The following ELMOD2 variants were observed in gnomAD, a reference collection of about 807,000 sequenced individuals.
ELMOD2 encodes the protein ELMO domain-containing protein 2.
In ELMOD2, 28 loss-of-function variants were observed where a neutral mutation model predicts 41.0. That is an observed-to-expected ratio of 0.68 (90% CI 0.51 to 0.94). The LOEUF is 0.94. ELMOD2 is among the 40% of genes least tolerant of loss of function. The probability of loss-of-function intolerance (pLI) is 0.00; values close to 1 mark genes in which losing one functional copy is unlikely to be tolerated. For synonymous variants in ELMOD2, 106 were observed against 107.2 expected (o/e 0.99, Z 0.07); for missense variants, 333 against 343.1 (o/e 0.97, Z 0.23).
intron 5 of ELMOD2, among the ~76,000 whole-genome samples, chr4:140,539,601 C>T (rs1009028856): frequency 1.3e-5 from 2 of 152,164 alleles, no homozygotes; most frequent in African/African-American, 4.8e-5. Context: ...CTGCCTCGGC[C>T]TCCCAAAGGG....
At chr4:140,532,064 C>G (rs970527661) in intron 3 of ELMOD2, among the ~76,000 whole-genome samples, 1 of 151,802 alleles carries the variant, frequency 6.6e-6, no homozygotes, top group African/African-American at 2.4e-5. Context: ...ATGAAAATTA[C>G]AGTTCAATGT....
At chr4:140,541,172 A>G (rs1353491091) in intron 6 of ELMOD2, among the ~76,000 whole-genome samples, 8 of 152,238 alleles carry the variant, frequency 5.3e-5, no homozygotes, top group Admixed American at 4.6e-4. Context: ...CTATAAGGAT[A>G]TGCAAATGTA....
chr4:140,526,565 A>C (rs1047252965), intron 2 of ELMOD2: 1 of 152,182 alleles, frequency 6.6e-6, no homozygotes, highest in Non-Finnish European at 1.5e-5. Context: ...CTGAGAAATC[A>C]ACCCCTGTCA....
At position 140,553,065 on chromosome 4, in the gene ELMOD2, AT is replaced by A. The variant is rs1735508022; in HGVS notation, c.*2696del. On this transcript the variant is annotated 3_prime_UTR_variant, in exon 9 of 9. Coordinates refer to ENST00000323570, the MANE Select transcript of ELMOD2 (RefSeq NM_153702.4). ...TTAGGAGCTACTTGGATTTGTATGT[AT>A]TTTTTCTACGTGAAAATATATGTAC... 1 of 152,056 alleles carries A rather than the reference AT, an allele frequency of 6.6e-6. No homozygotes were observed. The highest frequency in any genetic ancestry group is 1.5e-5 in the Non-Finnish European group (1 of 67,970). The allele number at this position is 152,056 out of a possible 1,614,324, so 9.4% of individuals were successfully genotyped here. A position where few individuals can be genotyped will look rare whatever the true frequency, so the allele number is the denominator to read the frequency against.
At chr4:140,535,277 A>T (rs1250280975) in intron 3 of ELMOD2, 3 of 158,972 alleles carry the variant, frequency 1.9e-5, no homozygotes, top group Non-Finnish European at 2.7e-5. Flanking sequence ...ATGCACAGTA[A>T]ATTCCTACAG....
chr4:140,544,461 T>G (rs1006749562), intron 8 of ELMOD2, among the ~76,000 whole-genome samples: 2 of 152,188 alleles, frequency 1.3e-5, no homozygotes, highest in Non-Finnish European at 1.5e-5. Context: ...GTTACTATAA[T>G]GGCCTTTAGC....
chr4:140,527,521 T>C, intron 3 of ELMOD2, 27 bp downstream of exon 3: 1 of 1,552,502 alleles, frequency 6.4e-7, no homozygotes, highest in Admixed American at 2.2e-5. Flanking sequence ...GTGGTAACTC[T>C]AGAAAACTTA....
chr4:140,527,341 G>C, intron 2 of ELMOD2, 125 bp from the exon 3 acceptor site: 1 of 787,564 alleles, frequency 1.3e-6, no homozygotes, highest in Non-Finnish European at 2.1e-6. Flanking sequence ...CTGTTATATA[G>C]AAATTATATC....
chr4:140,550,573 T>C lies in ELMOD2; in HGVS notation c.*198T>C. On this transcript the variant is annotated 3_prime_UTR_variant, in exon 9 of 9. Transcript: ENST00000323570. The stretch of plus-strand genomic sequence containing the variant: ...TATACACTGTTCTCCAAAGGTACCT[T>C]ATCCTTCCAAAGATCCCCTCTGTAG... The C allele has an allele frequency of 2.3e-6, 1 of 432,912 alleles. No individual in the cohort carries two copies. Among genetic ancestry groups the C allele is most frequent in the Non-Finnish European group, 3.8e-6 (1 of 261,190 alleles). 26.8% of individuals were successfully genotyped at this position (432,912 alleles called of 1,614,324 possible). A position where few individuals can be genotyped will look rare whatever the true frequency, so the allele number is the denominator to read the frequency against.
At chr4:140,527,442 T>C in intron 2 of ELMOD2, 24 bp from the exon 3 acceptor site, 2 of 255,212 alleles carry the variant, frequency 7.8e-6, no homozygotes, top group Non-Finnish European at 1.4e-5. Context: ...TGATAACATC[T>C]TTTTTTTTTT....
At position 140,552,165 on chromosome 4, in the gene ELMOD2, T is replaced by C. The variant is rs1252359571; in HGVS notation, c.*1790T>C. ...TCTGTTCATCTTTTGATGTTTGTGTTGAAAATGCTTATCTTTGTGTTTTGA... is the reference window on the plus strand; with the variant it reads ...TCTGTTCATCTTTTGATGTTTGTGTCGAAAATGCTTATCTTTGTGTTTTGA... On this transcript the variant is annotated 3_prime_UTR_variant, in exon 9 of 9. Coordinates refer to ENST00000323570, the MANE Select transcript of ELMOD2 (RefSeq NM_153702.4). The C allele has an allele frequency of 6.6e-6, 1 of 152,076 alleles. No individual in the cohort carries two copies. The highest frequency in any genetic ancestry group is 1.5e-5 in the Non-Finnish European group (1 of 67,914). The allele number at this position is 152,076 out of a possible 1,614,324, so 9.4% of individuals were successfully genotyped here.
rs534621667 is a variant in ELMOD2, at chr4:140,535,656, T to C, written c.172-77T>C. 3.0e-6 allele frequency: 4 copies of C among 1,320,666 alleles called. No individual in the cohort carries two copies. The East Asian group carries it at 9.4e-5, about 31-fold the overall frequency. 81.8% of individuals were successfully genotyped at this position (1,320,666 alleles called of 1,614,324 possible). ...CATTTTTAATATCTACTTTGTAAGG[T>C]TGATTAAATGTCTCACAACTATGTC... On this transcript the variant is annotated intron_variant, in intron 3 of 8. Transcript: ENST00000323570.
Position 140,550,515 on chromosome 4 carries a change from C to G in ELMOD2, c.*140C>G. 2 of 859,222 alleles carry G rather than the reference C, an allele frequency of 2.3e-6. No homozygotes were observed. The highest frequency in any genetic ancestry group is 3.9e-5 in the South Asian group (2 of 51,790). 53.2% of individuals were successfully genotyped at this position (859,222 alleles called of 1,614,324 possible). On this transcript the variant is annotated 3_prime_UTR_variant, in exon 9 of 9. Coordinates refer to ENST00000323570, the MANE Select transcript of ELMOD2 (RefSeq NM_153702.4). ...ATTTCAGAAATTCTATTTAAGAAAG[C>G]TAGTGGACAATCAGTGTATGTTTAC...
At chr4:140,545,746 G>A (rs1735254575) in intron 8 of ELMOD2, among the ~76,000 whole-genome samples, 1 of 151,752 alleles carries the variant, frequency 6.6e-6, no homozygotes, top group African/African-American at 2.4e-5. Flanking sequence ...TATATCCCTT[G>A]TTCATTAGCT....
intron 7 of ELMOD2, among the ~76,000 whole-genome samples, chr4:140,542,919 G>C (rs937421695): frequency 1.3e-5 from 2 of 151,824 alleles, no homozygotes; most frequent in African/African-American, 4.8e-5. Context: ...TTTGAAGATA[G>C]GAAGAGGAAA....
chr4:140,540,073 A>G (rs1330757532), intron 5 of ELMOD2, 95 bp from the exon 6 acceptor site: 30 of 1,414,248 alleles, frequency 2.1e-5, no homozygotes, highest in Non-Finnish European at 2.7e-5. Context: ...TGCTTAACCT[A>G]TGGTTTTTCT....
rs763431469 is a variant in ELMOD2, at chr4:140,542,621, G to A, written c.581G>A (p.Arg194His). 1.4e-5 allele frequency: 22 copies of A among 1,602,772 alleles called. 1 individual carries two copies. The highest frequency in any genetic ancestry group is 4.5e-5 in the South Asian group (4 of 89,170). ...YTSEAHQILS[R>H]SNHPKLGYSY... ...AGTGAAGCTCATCAGATTCTTTCCC[G>A]TTCAAATCATCCAAAATTAGGGTAA... Residue 194 changes from arginine (R) to histidine (H), a missense_variant, in exon 7 of 9, where the codon CGT becomes CAT. Coordinates refer to ENST00000323570, the MANE Select transcript of ELMOD2 (RefSeq NM_153702.4).
Position 140,537,090 on chromosome 4 carries a change from A to T in ELMOD2, c.270-322A>T, listed in dbSNP as rs550823538. On this transcript the variant is annotated intron_variant, in intron 4 of 8. Coordinates refer to ENST00000323570, the MANE Select transcript of ELMOD2 (RefSeq NM_153702.4). ...AGCTATTTGTTTTATATATACTCGG[A>T]AAATTAAGTCTACTGGTGATATCTG... 3.9e-5 allele frequency among the ~76,000 whole-genome samples: 6 copies of T among 152,282 alleles called. No individual in the cohort carries two copies. In the South Asian group the frequency reaches 8.3e-4, roughly 21 times the overall value.
rs1220862076 is a variant in ELMOD2 at position 140,537,403 on chromosome 4, C to T, written c.270-9C>T. The T allele has an allele frequency of 6.1e-6, 9 of 1,487,414 alleles. No individual in the cohort carries two copies. Among genetic ancestry groups the T allele is most frequent in the East Asian group, 5.5e-5 (2 of 36,462 alleles). 92.1% of individuals were successfully genotyped at this position (1,487,414 alleles called of 1,614,324 possible). A position where few individuals can be genotyped will look rare whatever the true frequency, so the allele number is the denominator to read the frequency against. On this transcript the variant is annotated splice_polypyrimidine_tract_variant and intron_variant, in intron 4 of 8. Coordinates refer to ENST00000323570, the MANE Select transcript of ELMOD2 (RefSeq NM_153702.4). Reference sequence around the variant, plus strand: ...GTATGCTTTTTAAAAATAATTTTATCATTTTTAGTTTTAAAATATGCATGA... The same window carrying T: ...GTATGCTTTTTAAAAATAATTTTATTATTTTTAGTTTTAAAATATGCATGA...
Sources: allele counts gnomAD v4.1 joint callset (sites outside exome capture counted in the v4.1 genomes callset), GRCh38; gene constraint gnomAD v4.1.1; transcripts MANE v1.5; gene names NCBI Gene and HGNC (gene_info 2026-07-23, HGNC 2026-07-21).